The following POU2F2 variants were observed in gnomAD, a reference collection of about 807,000 sequenced individuals.
POU2F2 encodes the protein POU class 2 homeobox 2.
A neutral mutation model predicts 63.5 loss-of-function variants in POU2F2; 14 were observed. That is an observed-to-expected ratio of 0.22 (90% CI 0.15 to 0.34). POU2F2 has a LOEUF of 0.34. POU2F2 is among the 10% of genes least tolerant of loss of function. POU2F2 has a pLI of 1.00. For synonymous variants in POU2F2, 306 were observed against 348.6 expected (o/e 0.88, Z 1.36); for missense variants, 607 against 815.2 (o/e 0.74, Z 3.11).
chr19:42,186,603 T>C (rs995918093), intron 1 of POU2F2, among the ~76,000 whole-genome samples: 1 of 151,932 alleles, frequency 6.6e-6, no homozygotes, highest in Non-Finnish European at 1.5e-5. Flanking sequence ...TTTGCATTTT[T>C]GAGAATATGA....
rs1226737580 is a variant in POU2F2, at chr19:42,156,193, G to C, written c.-9+4139C>G. 1 of 152,152 alleles carries C rather than the reference G, an allele frequency of 6.6e-6. No homozygotes were observed. Among genetic ancestry groups the C allele is most frequent in the East Asian group, 1.9e-4 (1 of 5,192 alleles). The allele number at this position is 152,152 out of a possible 1,614,324, so 9.4% of individuals were successfully genotyped here. On this transcript the variant is annotated intron_variant, in intron 2 of 6. Coordinates refer to the POU2F2 transcript ENST00000524801. This position sits in a 1 kb window ranked among gnomAD's most constrained non-coding sequence, Gnocchi z 4.1. Reference sequence around the variant, plus strand: ...GATGGTGGGTACTTGACCTTCATTTGCTGTGGGACTGTCAGGGATTCCAGG... The same window carrying C: ...GATGGTGGGTACTTGACCTTCATTTCCTGTGGGACTGTCAGGGATTCCAGG...
chr19:42,125,495 A>G (rs1009175963), intron 1 of POU2F2, among the ~76,000 whole-genome samples: 10 of 152,078 alleles, frequency 6.6e-5, no homozygotes, highest in Admixed American at 5.2e-4. Context: ...AAGATATAAG[A>G]AGGACAAGAA....
chr19:42,183,134 C>T (rs935004864), intron 1 of POU2F2, among the ~76,000 whole-genome samples: 2 of 152,166 alleles, frequency 1.3e-5, no homozygotes, highest in African/African-American at 4.8e-5. Context: ...CAGTTTGGTT[C>T]CATTTAAGAC....
intron 1 of POU2F2, among the ~76,000 whole-genome samples, chr19:42,175,783 G>A (rs2034861842): frequency 6.6e-6 from 1 of 151,998 alleles, no homozygotes; most frequent in African/African-American, 2.4e-5. Context: ...ACCTCACTCT[G>A]GGGCCCTGGA....
chr19:42,194,612 A>C (rs1486756141), intron 1 of POU2F2, among the ~76,000 whole-genome samples: 3 of 151,762 alleles, frequency 2.0e-5, no homozygotes, highest in African/African-American at 7.3e-5. Context: ...TATAAAAATT[A>C]GCCGAGTATG....
chr19:42,136,858 ACTC>A (rs2146749574), upstream of POU2F2: 1 of 151,962 alleles, frequency 6.6e-6, no homozygotes, highest in African/African-American at 2.4e-5. Context: ...AATGCACTGG[ACTC>A]CTGATCCCAT....
chr19:42,163,363 A>G (rs1190389274), intron 1 of POU2F2, among the ~76,000 whole-genome samples: 1 of 152,124 alleles, frequency 6.6e-6, no homozygotes, highest in Non-Finnish European at 1.5e-5. Flanking sequence ...GGTCCTAATC[A>G]AATGGTCAAT....
chr19:42,113,958 G>A (rs932379604), intron 5 of POU2F2, among the ~76,000 whole-genome samples: 4 of 152,194 alleles, frequency 2.6e-5, no homozygotes, highest in South Asian at 2.1e-4. Context: ...TAGAAATGAC[G>A]TCAAAGGGCA....
intron 1 of POU2F2, among the ~76,000 whole-genome samples, chr19:42,130,684 T>C (rs1189679791): frequency 6.6e-6 from 1 of 151,720 alleles, no homozygotes; most frequent in Non-Finnish European, 1.5e-5. Context: ...CATGTCACCC[T>C]GCAAATAGTC....
At chr19:42,114,318 G>T (rs1351329136) in intron 5 of POU2F2, among the ~76,000 whole-genome samples, 1 of 152,070 alleles carries the variant, frequency 6.6e-6, no homozygotes, top group Non-Finnish European at 1.5e-5. Flanking sequence ...ATATTTCCTC[G>T]AGCAGATTCA....
intron 5 of POU2F2, among the ~76,000 whole-genome samples, chr19:42,116,531 C>T (rs1307862390): frequency 6.6e-6 from 1 of 152,130 alleles, no homozygotes; most frequent in African/African-American, 2.4e-5. Flanking sequence ...CCTCACTTTA[C>T]CCCTCTGTAA....
intron 4 of POU2F2, among the ~76,000 whole-genome samples, chr19:42,118,820 C>G (rs545081790): frequency 8.1e-4 from 124 of 152,310 alleles, no homozygotes; most frequent in Non-Finnish European, 1.1e-3. Flanking sequence ...AGCCCAACAC[C>G]ATTTTGTAAA....
chr19:42,149,664 A>G (rs2034301977), intron 2 of POU2F2, among the ~76,000 whole-genome samples: 1 of 152,100 alleles, frequency 6.6e-6, no homozygotes, highest in South Asian at 2.1e-4. Context: ...GTAGAGAGAG[A>G]GAACAGCAGA....
intron 5 of POU2F2, among the ~76,000 whole-genome samples, chr19:42,100,368 C>T (rs1310972747): frequency 6.6e-6 from 1 of 151,808 alleles, no homozygotes; most frequent in South Asian, 2.1e-4. Context: ...GGATTACAGG[C>T]GTGAGTCACC....
At position 42,156,107 on chromosome 19, in the gene POU2F2, T is replaced by C. The variant is rs990091169; in HGVS notation, c.-9+4225A>G. 1.3e-5 allele frequency: 2 copies of C among 152,056 alleles called. No individual in the cohort carries two copies. The highest frequency in any genetic ancestry group is 4.8e-5 in the African/African-American group (2 of 41,372). The allele number at this position is 152,056 out of a possible 1,614,324, so 9.4% of individuals were successfully genotyped here. On this transcript the variant is annotated intron_variant, in intron 2 of 6. Transcript: ENST00000524801. The surrounding 1 kb of genome is among the most constrained non-coding windows in gnomAD (Gnocchi z 4.1). The stretch of plus-strand genomic sequence containing the variant: ...GCTTCGAAGAGCCCTGAGGAACGTC[T>C]CTCTATTTGAAGTCAGAGCCGAGTG...
intron 2 of POU2F2, among the ~76,000 whole-genome samples, chr19:42,144,032 T>C (rs1037721870): frequency 6.6e-6 from 1 of 152,208 alleles, no homozygotes; most frequent in Non-Finnish European, 1.5e-5. Context: ...GTGTGTCCCA[T>C]TATGTCTCAT....
chr19:42,133,859 C>T (rs572062199), upstream of POU2F2, among the ~76,000 whole-genome samples: 2 of 152,298 alleles, frequency 1.3e-5, no homozygotes, highest in South Asian at 4.1e-4. The surrounding 1 kb of genome is among the most constrained non-coding windows in gnomAD (Gnocchi z 5.1). Context: ...ACTACAGGCA[C>T]AACTACAGGA....
At position 42,187,587 on chromosome 19, in the gene POU2F2, C is replaced by A. The variant is rs972288430; in HGVS notation, c.-70+8796G>T. Among the ~76,000 whole-genome samples the A allele has an allele frequency of 4.6e-5, 7 of 151,318 alleles. No individual in the cohort carries two copies. In the East Asian group the frequency reaches 1.4e-3, roughly 29 times the overall value. On this transcript the variant is annotated intron_variant, in intron 1 of 5. Transcript: ENST00000532176. ...GATCAGCCTGGCAAACATGGTGAAACCCCATCTCTACTAAAACTACAAAAA... is the reference window on the plus strand; with the variant it reads ...GATCAGCCTGGCAAACATGGTGAAAACCCATCTCTACTAAAACTACAAAAA...
intron 2 of POU2F2, among the ~76,000 whole-genome samples, chr19:42,145,814 A>T (rs1393262850): frequency 3.3e-5 from 5 of 152,238 alleles, no homozygotes; most frequent in South Asian, 4.1e-4. Flanking sequence ...CACACCTGTA[A>T]TCCCAGCTAC....
Sources: allele counts gnomAD v4.1 joint callset (sites outside exome capture counted in the v4.1 genomes callset), GRCh38; gene constraint gnomAD v4.1.1; non-coding constraint Gnocchi (gnomAD v3.1); transcripts MANE v1.5; gene names NCBI Gene and HGNC (gene_info 2026-07-23, HGNC 2026-07-21).